CCDC88A: variants seen among roughly 807,000 people sequenced by gnomAD.
The protein encoded by CCDC88A is girdin.
Under a neutral mutation model 234.3 loss-of-function variants are expected in CCDC88A, and 54 were observed. That is an observed-to-expected ratio of 0.23 (90% CI 0.19 to 0.29). CCDC88A has a LOEUF of 0.29. Ranked by LOEUF, CCDC88A falls within the 10% of genes least tolerant of loss-of-function variation. The probability of loss-of-function intolerance (pLI) is 1.00; values close to 1 mark genes in which losing one functional copy is unlikely to be tolerated. For synonymous variants in CCDC88A, 753 were observed against 737.8 expected (o/e 1.02, Z -0.33); for missense variants, 1,832 against 2,123.4 (o/e 0.86, Z 2.70).
In CCDC88A at chr2:55,294,583, T is replaced by TA. The variant is rs373970575; in HGVS notation, c.5551+1013dup. ...ACATTTTCCCTACTGATACTGTACA[T>TA]ATGTAATATAAAGTACACATTCTGG... is the stretch of plus-strand genomic sequence containing the variant. On this transcript the variant is annotated intron_variant, in intron 31 of 32. Coordinates refer to ENST00000436346, the MANE Select transcript of CCDC88A (RefSeq NM_001365480.1). 1,017 of 985,694 alleles carry TA rather than the reference T, an allele frequency of 1.0e-3. 3 individuals carry two copies. Among genetic ancestry groups the TA allele is most frequent in the African/African-American group, 8.7e-3 (495 of 57,110 alleles). The allele number at this position is 985,694 out of a possible 1,614,324, so 61.1% of individuals were successfully genotyped here.
intron 12 of CCDC88A, among the ~76,000 whole-genome samples, chr2:55,342,581 A>G (rs1668644042): frequency 6.6e-6 from 1 of 152,174 alleles, no homozygotes; most frequent in Admixed American, 6.5e-5. Context: ...TTGTAACTCA[A>G]TTCACAAGGA....
At position 55,309,362 on chromosome 2, in the gene CCDC88A, T is replaced by A. The variant is rs1369606252; in HGVS notation, c.4080-108A>T. ...AATGTCTCCCCAAAACATAAAAAAA[T>A]ACAGATACCATGGTTGGCAACTAAG... On this transcript the variant is annotated intron_variant, in intron 23 of 32. Transcript: ENST00000436346. This position sits in a 1 kb window ranked among gnomAD's most constrained non-coding sequence, Gnocchi z 5.1. The A allele has an allele frequency of 9.8e-6, 5 of 508,936 alleles. No homozygotes were observed. The highest frequency in any genetic ancestry group is 1.7e-5 in the Non-Finnish European group (5 of 287,818). 31.5% of individuals were successfully genotyped at this position (508,936 alleles called of 1,614,324 possible). A position where few individuals can be genotyped will look rare whatever the true frequency, so the allele number is the denominator to read the frequency against.
chr2:55,363,735 TATAGA>T (rs1313974565), intron 6 of CCDC88A: 7 of 402,986 alleles, frequency 1.7e-5, no homozygotes, highest in Non-Finnish European at 1.8e-5. Flanking sequence ...CCTATGTCAC[TATAGA>T]ATAAAGGCAA....
chr2:55,389,536 A>T (rs1438953848), intron 2 of CCDC88A, among the ~76,000 whole-genome samples: 6 of 152,088 alleles, frequency 3.9e-5, no homozygotes, highest in African/African-American at 1.4e-4. Flanking sequence ...CTGAATAGAA[A>T]CGCCTCATTC....
chr2:55,306,306 G>A (rs1372493143), intron 25 of CCDC88A: 1 of 152,098 alleles, frequency 6.6e-6, no homozygotes, highest in Non-Finnish European at 1.5e-5. Context: ...AAAACTTGAT[G>A]ACCTGTCTAA....
intron 2 of CCDC88A, 112 bp from the exon 3 acceptor site, chr2:55,388,998 C>G (rs921440375): frequency 1.3e-5 from 4 of 314,184 alleles, no homozygotes; most frequent in Admixed American, 1.0e-4. Flanking sequence ...GTGTGCTCAT[C>G]TGCATTAACA....
At chr2:55,345,147 C>A (rs1186882360) in intron 10 of CCDC88A, among the ~76,000 whole-genome samples, 1 of 152,128 alleles carries the variant, frequency 6.6e-6, no homozygotes, top group Non-Finnish European at 1.5e-5. Context: ...TCATGAGAAT[C>A]CCTTAACAGT....
At chr2:55,416,365 T>G (rs1402678316) in intron 2 of CCDC88A, among the ~76,000 whole-genome samples, 1 of 140,480 alleles carries the variant, frequency 7.1e-6, no homozygotes, top group African/African-American at 2.6e-5. Flanking sequence ...CAGTAAGTTT[T>G]AAGACAACAT....
chr2:55,395,357 T>G (rs1677350533), intron 2 of CCDC88A, among the ~76,000 whole-genome samples: 1 of 152,210 alleles, frequency 6.6e-6, no homozygotes, highest in Non-Finnish European at 1.5e-5. Flanking sequence ...CACTGTTACA[T>G]CATCCTCAAA....
intron 4 of CCDC88A, among the ~76,000 whole-genome samples, chr2:55,374,190 A>G (rs1408002496): frequency 6.6e-6 from 1 of 152,168 alleles, no homozygotes. Flanking sequence ...CCTGGCCAAC[A>G]TGGTAAAACC....
intron 3 of CCDC88A, among the ~76,000 whole-genome samples, chr2:55,382,705 G>C (rs1674794283): frequency 6.6e-6 from 1 of 152,088 alleles, no homozygotes; most frequent in African/African-American, 2.4e-5. Context: ...AGACAAAAAG[G>C]TGTTTGCTAC....
chr2:55,357,574 A>G (rs553769203), intron 7 of CCDC88A, among the ~76,000 whole-genome samples: 1 of 152,272 alleles, frequency 6.6e-6, no homozygotes, highest in Non-Finnish European at 1.5e-5. Flanking sequence ...TCTCAGGCAA[A>G]TAAACTGTCT....
rs1558788764 is a variant in CCDC88A at position 55,384,610 on chromosome 2, T to TATATATACGTATATATGCGTATATATGC, written c.273+4167_273+4168insGCATATATACGCATATATACGTATATAT. On this transcript the variant is annotated intron_variant, in intron 3 of 32. Coordinates refer to ENST00000436346, the MANE Select transcript of CCDC88A (RefSeq NM_001365480.1). ...ATATACACATATATACGTATATATGTGTATATATACGTATATATATGTATA... is the reference window on the plus strand; with the variant it reads ...ATATACACATATATACGTATATATGTATATATACGTATATATGCGTATATATGCGTATATATACGTATATATATGTATA... Among the ~76,000 whole-genome samples, 2 of 115,196 alleles carry TATATATACGTATATATGCGTATATATGC rather than the reference T, an allele frequency of 1.7e-5. 1 individual carries two copies. The highest frequency in any genetic ancestry group is 9.2e-5 in the African/African-American group (2 of 21,824). The allele number at this position is 115,196 out of a possible 152,430, so 75.6% of individuals were successfully genotyped here. A position where few individuals can be genotyped will look rare whatever the true frequency, so the allele number is the denominator to read the frequency against.
chr2:55,373,737 T>C (rs1673188053), intron 4 of CCDC88A, among the ~76,000 whole-genome samples: 1 of 149,990 alleles, frequency 6.7e-6, no homozygotes, highest in Non-Finnish European at 1.5e-5. Flanking sequence ...AAACATCCCA[T>C]GGTATCTCTA....
At chr2:55,310,535 T>G (rs953221289) in intron 23 of CCDC88A, among the ~76,000 whole-genome samples, 11 of 151,940 alleles carry the variant, frequency 7.2e-5, no homozygotes, top group Admixed American at 6.6e-5. Flanking sequence ...GAGCTGAGAT[T>G]GTGCTACTGC....
chr2:55,325,503 A>C (rs1684151574), intron 17 of CCDC88A, among the ~76,000 whole-genome samples: 1 of 152,152 alleles, frequency 6.6e-6, no homozygotes, highest in Non-Finnish European at 1.5e-5. Context: ...CTTCCTTTCA[A>C]ATCTGTATGC....
rs181848011 is a variant in CCDC88A at position 55,306,524 on chromosome 2, T to C, written c.4387+2285A>G. The stretch of plus-strand genomic sequence containing the variant: ...ATATAAGTGTGTATGACTTTTTACG[T>C]TGCTTACCTATGGATTCTAGTTTTT... On this transcript the variant is annotated intron_variant, in intron 25 of 32. Transcript: ENST00000436346. Among the ~76,000 whole-genome samples, 168 of 152,306 alleles carry C rather than the reference T, an allele frequency of 1.1e-3. 1 individual carries two copies. The highest frequency in any genetic ancestry group is 3.9e-3 in the African/African-American group (163 of 41,544).
At chr2:55,387,187 A>G (rs1471308134) in intron 3 of CCDC88A, among the ~76,000 whole-genome samples, 2 of 151,116 alleles carry the variant, frequency 1.3e-5, no homozygotes, top group African/African-American at 4.8e-5. Flanking sequence ...AAAAAAAAAA[A>G]AAAAAAAAAA....
At chr2:55,350,464 G>A (rs1669727259) in intron 8 of CCDC88A, 2 of 151,830 alleles carry the variant, frequency 1.3e-5, no homozygotes, top group Admixed American at 6.6e-5. Context: ...CTCCTTCACA[G>A]TCAAGCTCCT....
Sources: gnomAD v4.1 joint callset for allele counts (sites outside exome capture counted in the v4.1 genomes callset) on GRCh38, gnomAD v4.1.1 for gene constraint, Gnocchi (gnomAD v3.1) non-coding constraint, MANE v1.5 for transcripts, NCBI Gene and HGNC (gene_info 2026-07-23, HGNC 2026-07-21) for gene names.